The following NOL4 variants were observed in gnomAD, a reference collection of about 807,000 sequenced individuals.
NOL4 encodes cancer/testis antigen 125.
In NOL4, 17 loss-of-function variants were observed where a neutral mutation model predicts 75.9. That is an observed-to-expected ratio of 0.22 (90% CI 0.15 to 0.34). The LOEUF (loss-of-function observed/expected upper bound fraction) is 0.34, where lower values mean the gene tolerates loss of function less well. Among genes scored for constraint, NOL4 ranks in the 10% least tolerant of loss-of-function variants. The probability of loss-of-function intolerance (pLI) is 1.00; values close to 1 mark genes in which losing one functional copy is unlikely to be tolerated. For missense variants in NOL4, 614 were observed against 793.5 expected (o/e 0.77, Z 2.72); for synonymous variants, 292 against 289.9 (o/e 1.01, Z -0.07).
chr18:33,871,736 G>A (rs1366374768), intron 10 of NOL4, among the ~76,000 whole-genome samples: 1 of 151,954 alleles, frequency 6.6e-6, no homozygotes. Flanking sequence ...CCATTTTACT[G>A]TACAGTTAGA....
intron 9 of NOL4, among the ~76,000 whole-genome samples, chr18:33,910,342 G>A (rs747902252): frequency 3.3e-5 from 5 of 152,200 alleles, no homozygotes; most frequent in Admixed American, 6.5e-5. Context: ...GAAACACACC[G>A]ACAAGAGTCT....
Position 33,962,234 on chromosome 18 carries a change from A to C in NOL4, c.1057-3816T>G, listed in dbSNP as rs904945232. On this transcript the variant is annotated intron_variant, in intron 6 of 10. Transcript: ENST00000261592. Reference sequence around the variant, plus strand: ...AATACCATACATCCTCCACCCACCCACATGCTTTTAAATTTTGCTTAAATT... The same window carrying C: ...AATACCATACATCCTCCACCCACCCCCATGCTTTTAAATTTTGCTTAAATT... Among the ~76,000 whole-genome samples, 8 of 152,124 alleles carry C rather than the reference A, an allele frequency of 5.3e-5. No homozygotes were observed. The South Asian group carries it at 1.4e-3, about 28-fold the overall frequency.
intron 6 of NOL4, among the ~76,000 whole-genome samples, chr18:33,967,225 G>A (rs1352626863): frequency 6.6e-6 from 1 of 152,094 alleles, no homozygotes. Flanking sequence ...AAGCAATAGG[G>A]AAAAGACATC....
intron 1 of NOL4, among the ~76,000 whole-genome samples, chr18:34,165,190 T>C (rs28736376): frequency 1.3e-4 from 20 of 151,974 alleles, no homozygotes; most frequent in African/African-American, 4.3e-4. Context: ...TGTATACATA[T>C]GTAACTAACC....
chr18:34,197,740 A>G (rs1312760164), intron 1 of NOL4, among the ~76,000 whole-genome samples: 1 of 151,968 alleles, frequency 6.6e-6, no homozygotes, highest in African/African-American at 2.4e-5. Flanking sequence ...TGGCAGAGGG[A>G]ACAACATAGG....
intron 9 of NOL4, among the ~76,000 whole-genome samples, chr18:33,923,877 T>A (rs965251738): frequency 6.6e-6 from 1 of 152,180 alleles, no homozygotes; most frequent in African/African-American, 2.4e-5. Flanking sequence ...GTTTAAAATA[T>A]CTTCTCCCCC....
At chr18:34,144,429 CA>C (rs2081316761) in intron 1 of NOL4, among the ~76,000 whole-genome samples, 2 of 151,966 alleles carry the variant, frequency 1.3e-5, no homozygotes, top group South Asian at 4.2e-4. Context: ...AACAAGAACT[CA>C]AAAAACTAAC....
At chr18:33,863,237 C>T (rs1229794678) in intron 10 of NOL4, among the ~76,000 whole-genome samples, 1 of 151,506 alleles carries the variant, frequency 6.6e-6, no homozygotes, top group South Asian at 2.1e-4. Context: ...CACATGGACA[C>T]AGGTACGGTA....
chr18:33,911,859 C>A (rs2066427730), intron 9 of NOL4, among the ~76,000 whole-genome samples: 1 of 152,028 alleles, frequency 6.6e-6, no homozygotes, highest in Non-Finnish European at 1.5e-5. Context: ...TTATTCTGCC[C>A]ATTTTTAGCA....
chr18:33,911,166 A>G (rs1277404392), intron 9 of NOL4, among the ~76,000 whole-genome samples: 1 of 50,644 alleles, frequency 2.0e-5, no homozygotes, highest in Non-Finnish European at 3.6e-5. Flanking sequence ...TGGAATGTTT[A>G]AGATTTTGCC....
At chr18:34,085,505 C>T (rs1396814149) in intron 5 of NOL4, among the ~76,000 whole-genome samples, 3 of 152,210 alleles carry the variant, frequency 2.0e-5, no homozygotes, top group Admixed American at 6.5e-5. Context: ...AAGCCGATTT[C>T]CCCTAGTTTC....
intron 6 of NOL4, among the ~76,000 whole-genome samples, chr18:33,977,078 A>G (rs2071549174): frequency 6.6e-6 from 1 of 152,130 alleles, no homozygotes; most frequent in Non-Finnish European, 1.5e-5. Flanking sequence ...AATAATATAT[A>G]CAGTAATGAT....
At chr18:33,928,324 C>A (rs951464851) in intron 9 of NOL4, among the ~76,000 whole-genome samples, 1 of 152,114 alleles carries the variant, frequency 6.6e-6, no homozygotes, top group Non-Finnish European at 1.5e-5. Flanking sequence ...AAATTAACAA[C>A]AGCCTAAACC....
chr18:34,021,998 G>C (rs2075069752), intron 5 of NOL4, among the ~76,000 whole-genome samples: 1 of 152,030 alleles, frequency 6.6e-6, no homozygotes, highest in East Asian at 1.9e-4. Flanking sequence ...CAGCTACTCG[G>C]GAGGCTGAGG....
chr18:33,874,117 T>C (rs142402144), intron 10 of NOL4, among the ~76,000 whole-genome samples: 184 of 152,026 alleles, frequency 1.2e-3, no homozygotes, highest in Middle Eastern at 3.4e-3. Flanking sequence ...GGGGTTGTTA[T>C]GCACATTTGG....
intron 1 of NOL4, among the ~76,000 whole-genome samples, chr18:34,216,761 G>A (rs112053953): frequency 2.2e-4 from 34 of 151,488 alleles, no homozygotes; most frequent in African/African-American, 5.8e-4. Context: ...CTTATAAAAC[G>A]GAAATTTGTA....
intron 6 of NOL4, among the ~76,000 whole-genome samples, chr18:33,993,000 GCAACT>G: frequency 6.6e-6 from 1 of 152,086 alleles, no homozygotes; most frequent in Middle Eastern, 3.4e-3. Flanking sequence ...TTAGTGGACG[GCAACT>G]GGAAGGAGAT....
chr18:33,881,100 C>G (rs1353113129), intron 10 of NOL4, among the ~76,000 whole-genome samples: 1 of 151,828 alleles, frequency 6.6e-6, no homozygotes, highest in African/African-American at 2.4e-5. Context: ...AAGTTGGATT[C>G]CTAGGTATTT....
intron 6 of NOL4, among the ~76,000 whole-genome samples, chr18:33,993,708 G>A (rs1292352398): frequency 6.6e-6 from 1 of 151,510 alleles, no homozygotes; most frequent in Non-Finnish European, 1.5e-5. Context: ...AAGAAGCGAT[G>A]ATTAAAGATG....
Sources: gnomAD v4.1 joint callset for allele counts (sites outside exome capture counted in the v4.1 genomes callset) on GRCh38, gnomAD v4.1.1 for gene constraint, MANE v1.5 for transcripts, NCBI Gene and HGNC (gene_info 2026-07-23, HGNC 2026-07-21) for gene names.